CLASP1: variants seen among roughly 807,000 people sequenced by gnomAD.
CLASP1 encodes cytoplasmic linker associated protein 1.
CLASP1 carries 38 observed loss-of-function variants against 192.3 expected under a neutral mutation model. That is an observed-to-expected ratio of 0.20 (90% confidence interval 0.15 to 0.26). CLASP1 has a LOEUF of 0.26. Among genes scored for constraint, CLASP1 ranks in the 10% least tolerant of loss-of-function variants. The pLI is 1.00. For synonymous variants in CLASP1, 691 were observed against 712.8 expected (o/e 0.97, Z 0.49); for missense variants, 1,433 against 1,932.5 (o/e 0.74, Z 4.85).
chr2:121,467,065 T>C (rs528389731), intron 9 of CLASP1, among the ~76,000 whole-genome samples: 4 of 152,176 alleles, frequency 2.6e-5, no homozygotes, highest in East Asian at 1.9e-4. Context: ...AGTGAGAACA[T>C]GTAGTATTTG....
At chr2:121,378,378 T>C (rs2070778245) in intron 33 of CLASP1, among the ~76,000 whole-genome samples, 1 of 152,202 alleles carries the variant, frequency 6.6e-6, no homozygotes, top group African/African-American at 2.4e-5. Flanking sequence ...AAATATTTGT[T>C]GTTCACAGAA....
chr2:121,602,512 CA>C (rs1360609963), intron 2 of CLASP1, among the ~76,000 whole-genome samples: 1 of 152,036 alleles, frequency 6.6e-6, no homozygotes, highest in Non-Finnish European at 1.5e-5. Flanking sequence ...CAACACTGAG[CA>C]AAAAGAACAA....
At chr2:121,401,783 A>C (rs534775256) in intron 27 of CLASP1, 85 bp downstream of exon 28, 30 of 896,328 alleles carry the variant, frequency 3.3e-5, no homozygotes, top group Admixed American at 1.8e-5. Context: ...CTTGTAACTT[A>C]GGTTAACACT....
At chr2:121,429,116 A>G (rs1383988772) in intron 20 of CLASP1, among the ~76,000 whole-genome samples, 2 of 152,232 alleles carry the variant, frequency 1.3e-5, no homozygotes, top group Non-Finnish European at 2.9e-5. Flanking sequence ...AAATTATATA[A>G]CATGAGGACT....
At chr2:121,436,625 G>A (rs2082358553) in intron 19 of CLASP1, among the ~76,000 whole-genome samples, 1 of 151,796 alleles carries the variant, frequency 6.6e-6, no homozygotes, top group South Asian at 2.1e-4. Context: ...TGGCCAGGCT[G>A]GTCTCAAACT....
chr2:121,581,417 G>GGCGCCCGCCACC (rs2061150133), intron 2 of CLASP1, among the ~76,000 whole-genome samples: 1 of 151,346 alleles, frequency 6.6e-6, no homozygotes, highest in Admixed American at 6.6e-5. Flanking sequence ...TGGGACTACA[G>GGCGCCCGCCACC]GCGCCCGCCA....
intron 2 of CLASP1, among the ~76,000 whole-genome samples, chr2:121,581,256 T>C (rs1415892321): frequency 7.6e-6 from 1 of 131,894 alleles, no homozygotes; most frequent in Non-Finnish European, 1.6e-5. Flanking sequence ...AAAGGCCTTT[T>C]GTTCTTTTTT....
chr2:121,407,480 C>A (rs1275259956), exon 25 of CLASP1: 1 of 1,613,916 alleles, frequency 6.2e-7, no homozygotes. Context: ...CCTCAGTGTT[C>A]TTTGGCTCTT....
chr2:121,495,418 T>TG (rs1216551447), intron 8 of CLASP1, among the ~76,000 whole-genome samples: 5 of 152,214 alleles, frequency 3.3e-5, no homozygotes, highest in Non-Finnish European at 7.3e-5. Flanking sequence ...ACCAGCGCTT[T>TG]GGGAGGCTGA....
At chr2:121,613,691 C>A (rs1411942847) in intron 1 of CLASP1, among the ~76,000 whole-genome samples, 1 of 151,610 alleles carries the variant, frequency 6.6e-6, no homozygotes, top group Non-Finnish European at 1.5e-5. Context: ...GTGGCACTTA[C>A]ACACACTATC....
chr2:121,365,320 G>A (rs1280640884), intron 35 of CLASP1, 36 bp from the exon 37 acceptor site: 2 of 1,578,336 alleles, frequency 1.3e-6, no homozygotes, highest in Non-Finnish European at 1.7e-6. Flanking sequence ...CACCTCGTGA[G>A]GAAATGCCCA....
At chr2:121,507,576 A>T (rs2093980209) in intron 7 of CLASP1, among the ~76,000 whole-genome samples, 1 of 152,216 alleles carries the variant, frequency 6.6e-6, no homozygotes, top group South Asian at 2.1e-4. Context: ...TCGTTGCCTC[A>T]GGCATCTACC....
chr2:121,413,634 T>C (rs908961283), intron 23 of CLASP1, among the ~76,000 whole-genome samples: 22 of 152,214 alleles, frequency 1.4e-4, no homozygotes, highest in Admixed American at 6.5e-5. Flanking sequence ...CCATAAAACT[T>C]TGAGAACAAT....
intron 19 of CLASP1, among the ~76,000 whole-genome samples, chr2:121,436,972 A>T (rs2082407287): frequency 6.6e-6 from 1 of 151,700 alleles, no homozygotes; most frequent in African/African-American, 2.4e-5. Context: ...GTTTATTTTT[A>T]TTTTTTTCAG....
intron 13 of CLASP1, among the ~76,000 whole-genome samples, chr2:121,458,338 C>T (rs139435619): frequency 2.0e-4 from 30 of 152,260 alleles, no homozygotes; most frequent in Admixed American, 9.2e-4. Context: ...TTGTTAAAAA[C>T]CTGTGTATAA....
At chr2:121,570,575 T>C (rs72971252) in intron 2 of CLASP1, among the ~76,000 whole-genome samples, 5,848 of 152,304 alleles carry the variant, frequency 0.038, 158 homozygotes, top group East Asian at 0.14. Flanking sequence ...AGCAAGCATG[T>C]AGTTTTCAAT....
intron 9 of CLASP1, among the ~76,000 whole-genome samples, chr2:121,464,969 AC>A (rs1330597401): frequency 1.3e-5 from 2 of 151,842 alleles, no homozygotes; most frequent in African/African-American, 2.4e-5. Flanking sequence ...AAATTCGACA[AC>A]CCTTCATGCT....
At chr2:121,447,289 C>A (rs1397833412) in intron 19 of CLASP1, 48 bp downstream of exon 19, 2 of 1,514,456 alleles carry the variant, frequency 1.3e-6, no homozygotes, top group East Asian at 2.4e-5. Flanking sequence ...TAAGAGTCAT[C>A]TCTTGCAGAG....
intron 13 of CLASP1, 45 bp from the exon 14 acceptor site, chr2:121,457,802 A>G (rs768859781): frequency 7.3e-7 from 1 of 1,371,964 alleles, no homozygotes; most frequent in Middle Eastern, 1.8e-4. Context: ...TGCAAATACA[A>G]AAACAAAACA....
Sources: allele counts gnomAD v4.1 joint callset (sites outside exome capture counted in the v4.1 genomes callset), GRCh38; gene constraint gnomAD v4.1.1; transcripts MANE v1.5; gene names NCBI Gene and HGNC (gene_info 2026-07-23, HGNC 2026-07-21).